The following SRRM4 variants were observed in gnomAD, a reference collection of about 807,000 sequenced individuals.
The protein encoded by SRRM4 is serine/arginine repetitive matrix protein 4.
SRRM4 carries 33 observed loss-of-function variants against 68.9 expected under a neutral mutation model. The ratio of observed to expected loss-of-function variants is 0.48; its 90% CI spans 0.36 to 0.64. SRRM4 has a LOEUF of 0.64. Ranked by LOEUF, SRRM4 falls within the 30% of genes least tolerant of loss-of-function variation. The pLI is 0.00. For synonymous variants in SRRM4, 318 were observed against 318.8 expected (o/e 1.00, Z 0.03); for missense variants, 817 against 827.1 (o/e 0.99, Z 0.15).
Position 119,102,363 on chromosome 12 carries a change from G to T in SRRM4, c.259G>T (p.Gly87Cys). 1.2e-6 allele frequency: 2 copies of T among 1,612,604 alleles called. No homozygotes were observed. Among genetic ancestry groups the T allele is most frequent in the Non-Finnish European group, 1.7e-6 (2 of 1,179,300 alleles). ...GAGAGACAAGACCTGTCGGGAACTG[G>T]GTGCCACCAGAGGACACAGGTGAGA... ...WERDKTCREL[G>C]ATRGHSASHD... The change falls in exon 2 of 13, where the codon GGT (glycine) becomes TGT (cysteine). Residue 87 changes from glycine (G) to cysteine (C), a missense_variant. Physicochemically the swap from Gly to Cys is radical, Grantham distance 159. Transcript: ENST00000267260.
chr12:119,054,837 C>CT (rs1953766809), intron 1 of SRRM4, among the ~76,000 whole-genome samples: 1 of 152,170 alleles, frequency 6.6e-6, no homozygotes, highest in Admixed American at 6.5e-5. Context: ...CACTTTTATC[C>CT]TTTTTTAGCA....
Position 119,154,332 on chromosome 12 carries a change from G to A in SRRM4, c.1481G>A (p.Arg494Lys). The change falls in exon 12 of 13, where the codon AGA becomes AAA. Residue 494 changes from arginine (R) to lysine (K), a missense_variant. Physicochemically the swap from Arg to Lys is conservative, Grantham distance 26 (BLOSUM62 2). Transcript: ENST00000267260. The surrounding 1 kb of genome is among the most constrained non-coding windows in gnomAD (Gnocchi z 4.7). Reference protein sequence around the residue: ...RRRRRSYSPMRKRRRDSPSHL... With the variant: ...RRRRRSYSPMKKRRRDSPSHL... Reference sequence around the variant, plus strand: ...AGACGTCGGTCCTACTCGCCTATGAGAAAGCGCCGGAGAGACTCCCCGAGC... The same window carrying A: ...AGACGTCGGTCCTACTCGCCTATGAAAAAGCGCCGGAGAGACTCCCCGAGC... 1 of 1,613,288 alleles carries A rather than the reference G, an allele frequency of 6.2e-7. No individual in the cohort carries two copies. Among genetic ancestry groups the A allele is most frequent in the Non-Finnish European group, 8.5e-7 (1 of 1,179,760 alleles).
chr12:119,149,997 C>T (rs760286661), intron 9 of SRRM4, among the ~76,000 whole-genome samples: 1 of 152,238 alleles, frequency 6.6e-6, no homozygotes, highest in Non-Finnish European at 1.5e-5. Context: ...TTTGGGAGGT[C>T]TCAATTCCTC....
Position 119,153,602 on chromosome 12 carries a change from C to T in SRRM4, c.1344C>T (p.Ser448=). Residue 448 remains serine (S), a synonymous_variant, in exon 11 of 13, where the codon AGC becomes AGT. Transcript: ENST00000267260. ...GCAAGAGGAGCCCGCCCAGCAGAAG[C>T]TCTAGGTCCCGCCGCAGCCCTAGCT... is the stretch of plus-strand genomic sequence containing the variant. ...KSGKRSPPSR[S]SRSRRSPSYS... The T allele has an allele frequency of 6.4e-7, 1 of 1,571,504 alleles. No individual in the cohort carries two copies. Among genetic ancestry groups the T allele is most frequent in the Non-Finnish European group, 8.6e-7 (1 of 1,159,366 alleles).
chr12:119,066,868 C>T (rs1953849255), intron 1 of SRRM4, among the ~76,000 whole-genome samples: 1 of 152,172 alleles, frequency 6.6e-6, no homozygotes, highest in African/African-American at 2.4e-5. Flanking sequence ...GCTCTAGCTC[C>T]CCCTCCCCCA....
chr12:119,080,977 CAG>C (rs1239393494), intron 1 of SRRM4, among the ~76,000 whole-genome samples: 1 of 152,198 alleles, frequency 6.6e-6, no homozygotes, highest in African/African-American at 2.4e-5. Context: ...GAAAGCATAA[CAG>C]AACACAACTG....
chr12:119,018,311 A>T (rs1953494074), intron 1 of SRRM4, among the ~76,000 whole-genome samples: 1 of 152,176 alleles, frequency 6.6e-6, no homozygotes, highest in Non-Finnish European at 1.5e-5. Flanking sequence ...ATGCACAGTT[A>T]TCTCTGTGTG....
intron 1 of SRRM4, among the ~76,000 whole-genome samples, chr12:119,059,705 G>A (rs562920051): frequency 6.6e-5 from 10 of 152,278 alleles, no homozygotes; most frequent in African/African-American, 2.2e-4. Context: ...AGCCACAGAA[G>A]GTTTTAGGCA....
chr12:119,028,760 C>T (rs989638601), intron 1 of SRRM4, among the ~76,000 whole-genome samples: 9 of 152,086 alleles, frequency 5.9e-5, no homozygotes, highest in Admixed American at 2.6e-4. Context: ...ACCACAAATT[C>T]GGGAGGAGAG....
At chr12:119,146,618 A>G (rs1954403793) in intron 9 of SRRM4, among the ~76,000 whole-genome samples, 2 of 150,924 alleles carry the variant, frequency 1.3e-5, no homozygotes, top group African/African-American at 4.9e-5. Flanking sequence ...AAAGTCTAAC[A>G]TTAAATTAAT....
At chr12:119,125,608 G>C in intron 7 of SRRM4, 129 bp downstream of exon 7, 1 of 736,114 alleles carries the variant, frequency 1.4e-6, no homozygotes, top group Non-Finnish European at 2.2e-6. Context: ...TCAGCAGCTG[G>C]CACCACTTCC....
intron 1 of SRRM4, among the ~76,000 whole-genome samples, chr12:119,077,615 T>C (rs1432967506): frequency 6.6e-6 from 1 of 152,174 alleles, no homozygotes; most frequent in Non-Finnish European, 1.5e-5. Flanking sequence ...CTGGGCAAGT[T>C]ATTTTCCTTT....
chr12:118,986,899 A>T (rs76019183), intron 1 of SRRM4, among the ~76,000 whole-genome samples: 1 of 148,308 alleles, frequency 6.7e-6, no homozygotes, highest in East Asian at 2.0e-4. Context: ...GCAATACATT[A>T]AAAAAAAAAT....
rs748785068 is a variant in SRRM4, at chr12:119,116,958, G to A, written c.387G>A (p.Ser129=). The change falls in exon 4 of 13, where the codon TCG becomes TCA. Residue 129 remains serine, a synonymous_variant. Coordinates refer to ENST00000267260, the MANE Select transcript of SRRM4 (RefSeq NM_194286.4). ...GCAGGTCCTCATCCTATAGCCCATCGCCTGTCAAGAAAAAGAAGAAGAAAA... is the reference window on the plus strand; with the variant it reads ...GCAGGTCCTCATCCTATAGCCCATCACCTGTCAAGAAAAAGAAGAAGAAAA... The part of the protein sequence containing the change: ...KRRRSSSYSP[S]PVKKKKKKSS... 1.7e-5 allele frequency: 28 copies of A among 1,613,578 alleles called. No homozygotes were observed. Among genetic ancestry groups the A allele is most frequent in the South Asian group, 1.6e-4 (15 of 91,044 alleles).
chr12:119,051,638 C>A (rs1251886941), intron 1 of SRRM4, among the ~76,000 whole-genome samples: 2 of 152,154 alleles, frequency 1.3e-5, no homozygotes, highest in African/African-American at 2.4e-5. Context: ...AAAGACTACA[C>A]AATACTTTCC....
chr12:119,114,427 A>C (rs1954164734), intron 3 of SRRM4, 63 bp downstream of exon 3: 1 of 1,368,416 alleles, frequency 7.3e-7, no homozygotes. Flanking sequence ...TATGGGTTTC[A>C]AAGTCAGACA....
chr12:118,985,563 G>A (rs1468572348), intron 1 of SRRM4, among the ~76,000 whole-genome samples: 1 of 152,190 alleles, frequency 6.6e-6, no homozygotes, highest in Non-Finnish European at 1.5e-5. Context: ...AAACCAGGAT[G>A]TACAGTGGTC....
intron 9 of SRRM4, 43 bp from the exon 10 acceptor site, chr12:119,150,974 A>G: frequency 6.3e-7 from 1 of 1,584,514 alleles, no homozygotes; most frequent in Non-Finnish European, 8.6e-7. Flanking sequence ...ATGCTCCCAG[A>G]GTAGTGGGCA....
At chr12:119,029,249 A>G (rs531147221) in intron 1 of SRRM4, among the ~76,000 whole-genome samples, 1 of 152,338 alleles carries the variant, frequency 6.6e-6, no homozygotes, top group South Asian at 2.1e-4. Flanking sequence ...GGACAAGGAC[A>G]GTGATTTCTC....
Sources: allele counts gnomAD v4.1 joint callset (sites outside exome capture counted in the v4.1 genomes callset), GRCh38; gene constraint gnomAD v4.1.1; non-coding constraint Gnocchi (gnomAD v3.1); transcripts MANE v1.5; gene names NCBI Gene and HGNC (gene_info 2026-07-23, HGNC 2026-07-21).